Variants in CUX1 observed in about 807,000 individuals in gnomAD.
CUX1 encodes the protein protein CASP.
In CUX1, 31 loss-of-function variants were observed where a neutral mutation model predicts 158.8. The ratio of observed to expected loss-of-function variants is 0.20; its 90% confidence interval spans 0.15 to 0.26. CUX1 has a LOEUF of 0.26. CUX1 is among the 10% of genes least tolerant of loss of function. CUX1 has a pLI of 1.00. For missense variants in CUX1, 1,589 were observed against 2,014.6 expected, an observed-to-expected ratio of 0.79 and a Z score of 4.04; for synonymous variants, 879 against 862.1, an observed-to-expected ratio of 1.02 and a Z score of -0.34.
intron 2 of CUX1, among the ~76,000 whole-genome samples, chr7:102,018,284 T>C (rs533848629): frequency 1.3e-5 from 2 of 152,306 alleles, no homozygotes; most frequent in Admixed American, 1.3e-4. Flanking sequence ...TGAGCAGTTA[T>C]TCAGAAAGGG....
intron 1 of CUX1, chr7:101,822,302 T>C (rs1792740400): frequency 6.6e-6 from 1 of 152,268 alleles, no homozygotes; most frequent in African/African-American, 2.4e-5. Context: ...TGTGTCAGTG[T>C]TGGATTTTCC....
rs3840978 is a variant in CUX1 at position 102,173,506 on chromosome 7, CCT to C, written c.828+2959_828+2960del. 4.3e-3 allele frequency among the ~76,000 whole-genome samples: 660 copies of C among 152,286 alleles called. 14 individuals carry two copies. The highest frequency in any genetic ancestry group is 0.029 in the Admixed American group (447 of 15,288). On this transcript the variant is annotated intron_variant, in intron 10 of 23. Transcript: ENST00000292535. The stretch of plus-strand genomic sequence containing the variant: ...CCCCTTGGCTCTGTTACAGTTCCTT[CCT>C]CTAAGTTTAGACAAACTGGATCCAG...
At chr7:102,024,841 G>A (rs540326228) in intron 2 of CUX1, among the ~76,000 whole-genome samples, 72 of 152,250 alleles carry the variant, frequency 4.7e-4, no homozygotes, top group African/African-American at 1.7e-3. Context: ...GGTGAAATGC[G>A]GTGATGTGTT....
intron 11 of CUX1, among the ~76,000 whole-genome samples, chr7:102,186,615 AT>A (rs1793657720): frequency 6.6e-6 from 1 of 150,488 alleles, no homozygotes; most frequent in African/African-American, 2.5e-5. Context: ...ATTTATGCCT[AT>A]TTTTCATACA....
chr7:102,097,531 CTT>C (rs1829324739), intron 5 of CUX1, 30 bp downstream of exon 5: 2 of 1,508,640 alleles, frequency 1.3e-6, no homozygotes, highest in Non-Finnish European at 1.8e-6. Flanking sequence ...TTTGCTTTTT[CTT>C]TTCTTCTTTT....
At chr7:101,970,400 C>G (rs1439531032) in intron 2 of CUX1, among the ~76,000 whole-genome samples, 2 of 152,076 alleles carry the variant, frequency 1.3e-5, no homozygotes, top group African/African-American at 4.8e-5. Flanking sequence ...CCTGCAGTTC[C>G]TAAAGGACAA....
At chr7:102,218,577 G>A (rs1797474606) in intron 20 of CUX1, among the ~76,000 whole-genome samples, 1 of 151,948 alleles carries the variant, frequency 6.6e-6, no homozygotes, top group South Asian at 2.1e-4. Context: ...AGTCCCAGCT[G>A]CTCAGGAGGC....
At chr7:101,870,690 G>T (rs1187342520) in intron 1 of CUX1, among the ~76,000 whole-genome samples, 3 of 152,172 alleles carry the variant, frequency 2.0e-5, no homozygotes, top group African/African-American at 4.8e-5. Flanking sequence ...CAATTAGCTC[G>T]ATGTGGATTA....
chr7:102,274,202 A>G (rs1554547041), intron 15 of CUX1: 26 of 1,582,620 alleles, frequency 1.6e-5, no homozygotes, highest in African/African-American at 2.7e-5. Context: ...TTCCGTGCCC[A>G]TTGTGCGGAG....
At position 101,898,585 on chromosome 7, in the gene CUX1, CT is replaced by C. The variant is rs67714464; in HGVS notation, c.31-17507del. Among the ~76,000 whole-genome samples, 814 of 115,456 alleles carry C rather than the reference CT, an allele frequency of 7.1e-3. 2 individuals are homozygous for C. The highest frequency in any genetic ancestry group is 0.024 in the African/African-American group (721 of 30,524). The allele number at this position is 115,456 out of a possible 152,430, so 75.7% of individuals were successfully genotyped here. On this transcript the variant is annotated intron_variant, in intron 1 of 23. Transcript: ENST00000292535. ...TTCTTGTTTCTTTCCATTTCTGTGTCTTTTTTTTTTTTTTTTTTTTTTTGAG... is the reference window on the plus strand; with the variant it reads ...TTCTTGTTTCTTTCCATTTCTGTGTCTTTTTTTTTTTTTTTTTTTTTTGAG...
intron 1 of CUX1, among the ~76,000 whole-genome samples, chr7:101,903,148 A>C (rs1802341919): frequency 6.6e-6 from 1 of 152,160 alleles, no homozygotes; most frequent in Admixed American, 6.5e-5. Flanking sequence ...CCCGAGGCCA[A>C]GAGGAGGGGC....
chr7:102,215,801 C>A (rs1383400400), intron 20 of CUX1, among the ~76,000 whole-genome samples: 1 of 152,202 alleles, frequency 6.6e-6, no homozygotes, highest in Non-Finnish European at 1.5e-5. Context: ...GCCATGGATT[C>A]TCTGAGGAAT....
intron 1 of CUX1, among the ~76,000 whole-genome samples, chr7:101,905,830 C>T (rs536325991): frequency 6.6e-6 from 1 of 152,136 alleles, no homozygotes; most frequent in African/African-American, 2.4e-5. Context: ...CTTGCTTCTC[C>T]ACGTGCCCAG....
rs1443060790 is a variant in CUX1, at chr7:102,258,028, C to A, written c.*8986C>A. 1 of 983,978 alleles carries A rather than the reference C, an allele frequency of 1.0e-6. No homozygotes were observed. Among genetic ancestry groups the A allele is most frequent in the Non-Finnish European group, 1.2e-6 (1 of 829,800 alleles). 61.0% of individuals were successfully genotyped at this position (983,978 alleles called of 1,614,324 possible). ...TAAGAGTCAAAGTTGACCTGGCTGG[C>A]GTGGGGGTGGGGGAGGCACCCGTCG... On this transcript the variant is annotated 3_prime_UTR_variant, in exon 24 of 24. Coordinates refer to ENST00000292535, the MANE Select transcript of CUX1 (RefSeq NM_181552.4).
chr7:102,240,270 A>G (rs1800051610), intron 23 of CUX1, among the ~76,000 whole-genome samples: 1 of 152,082 alleles, frequency 6.6e-6, no homozygotes, highest in African/African-American at 2.4e-5. Context: ...AGTTATATTC[A>G]TATTTATTTA....
intron 16 of CUX1, among the ~76,000 whole-genome samples, chr7:102,199,222 T>G (rs1795128808): frequency 6.6e-6 from 1 of 152,204 alleles, no homozygotes; most frequent in African/African-American, 2.4e-5. Context: ...CCCGTCAAAT[T>G]AAATACTGCT....
At chr7:102,263,030 T>G (rs1181142646), downstream of CUX1, among the ~76,000 whole-genome samples, 13 of 103,314 alleles carry the variant, frequency 1.3e-4, no homozygotes, top group African/African-American at 4.4e-4. Context: ...TTTTTTTTTT[T>G]GGAGATGAAG....
rs782738241 is a variant in CUX1, at chr7:102,201,197, A to C, written c.2063-163A>C. 4.6e-5 allele frequency among the ~76,000 whole-genome samples: 7 copies of C among 152,108 alleles called. No individual in the cohort carries two copies. Among genetic ancestry groups the C allele is most frequent in the Non-Finnish European group, 8.8e-5 (6 of 68,026 alleles). On this transcript the variant is annotated intron_variant, in intron 17 of 23. Transcript: ENST00000292535. The surrounding 1 kb of genome is among the most constrained non-coding windows in gnomAD (Gnocchi z 5.0). ...TCAGGCCCTGGTCCTTGGTTGAGAC[A>C]AGATGCCTGAATGTTTCACTGACAG...
intron 2 of CUX1, among the ~76,000 whole-genome samples, chr7:101,992,518 C>G (rs1454867144): frequency 6.6e-6 from 1 of 152,178 alleles, no homozygotes; most frequent in African/African-American, 2.4e-5. Flanking sequence ...CTGGGCCACA[C>G]CCTACGTGCC....
Sources: gnomAD v4.1 joint callset for allele counts (sites outside exome capture counted in the v4.1 genomes callset) on GRCh38, gnomAD v4.1.1 for gene constraint, Gnocchi (gnomAD v3.1) non-coding constraint, MANE v1.5 for transcripts, NCBI Gene and HGNC (gene_info 2026-07-23, HGNC 2026-07-21) for gene names.